Variants in SLIT2 observed in about 807,000 individuals in gnomAD.
SLIT2 encodes slit guidance ligand 2, also known as slit homolog 2 protein.
In SLIT2, 41 loss-of-function variants were observed where a neutral mutation model predicts 185.7. The ratio of observed to expected loss-of-function variants is 0.22; its 90% CI spans 0.17 to 0.29. SLIT2 has a LOEUF of 0.29. Ranked by LOEUF, SLIT2 falls within the 10% of genes least tolerant of loss-of-function variation. SLIT2 has a pLI of 1.00. For synonymous variants in SLIT2, 693 were observed against 680.2 expected (o/e 1.02, Z -0.29); for missense variants, 1,571 against 1,909.0 (o/e 0.82, Z 3.30).
chr4:20,358,750 T>G (rs1722526219), intron 4 of SLIT2, among the ~76,000 whole-genome samples: 1 of 152,128 alleles, frequency 6.6e-6, no homozygotes, highest in Admixed American at 6.6e-5. Flanking sequence ...ATTGGACATT[T>G]AACTTTCTAA....
chr4:20,420,310 C>G (rs1258747307), intron 4 of SLIT2, among the ~76,000 whole-genome samples: 2 of 152,076 alleles, frequency 1.3e-5, no homozygotes, highest in African/African-American at 4.8e-5. Context: ...TTCCAAGAAG[C>G]CTTTGAGAAT....
At chr4:20,324,414 T>C (rs1186115055) in intron 4 of SLIT2, among the ~76,000 whole-genome samples, 1 of 152,124 alleles carries the variant, frequency 6.6e-6, no homozygotes, top group African/African-American at 2.4e-5. Flanking sequence ...CCATTGGTGT[T>C]AAAGCAGAGG....
intron 4 of SLIT2, among the ~76,000 whole-genome samples, chr4:20,387,691 C>A (rs1002456912): frequency 6.6e-6 from 1 of 152,152 alleles, no homozygotes; most frequent in African/African-American, 2.4e-5. Flanking sequence ...CCACGGGCAA[C>A]AAAAAGAGAG....
At chr4:20,500,674 T>C (rs565389181) in intron 9 of SLIT2, among the ~76,000 whole-genome samples, 1 of 152,312 alleles carries the variant, frequency 6.6e-6, no homozygotes, top group Non-Finnish European at 1.5e-5. Flanking sequence ...GGAAACACTA[T>C]GTAGGAAACT....
chr4:20,508,888 A>G (rs958704568), intron 9 of SLIT2, among the ~76,000 whole-genome samples: 1 of 152,122 alleles, frequency 6.6e-6, no homozygotes, highest in Non-Finnish European at 1.5e-5. Context: ...ATGAACCCTG[A>G]TACTGTTGAA....
chr4:20,527,226 C>T (rs904570433), intron 15 of SLIT2, among the ~76,000 whole-genome samples: 1 of 152,122 alleles, frequency 6.6e-6, no homozygotes, highest in Non-Finnish European at 1.5e-5. Flanking sequence ...TACCTCGCTA[C>T]TACCATTTTA....
chr4:20,564,641 T>A (rs1205736972), intron 26 of SLIT2, among the ~76,000 whole-genome samples: 1 of 151,816 alleles, frequency 6.6e-6, no homozygotes, highest in African/African-American at 2.4e-5. Flanking sequence ...TTTGGTAAAG[T>A]TGGTAGTCAT....
At chr4:20,530,214 G>T (rs1020332025) in intron 16 of SLIT2, among the ~76,000 whole-genome samples, 4 of 151,872 alleles carry the variant, frequency 2.6e-5, no homozygotes, top group Non-Finnish European at 5.9e-5. Context: ...TAGACATATA[G>T]GGATTTATGC....
intron 4 of SLIT2, among the ~76,000 whole-genome samples, chr4:20,418,406 T>A (rs987466628): frequency 6.6e-6 from 1 of 152,198 alleles, no homozygotes; most frequent in African/African-American, 2.4e-5. Flanking sequence ...AGGTCCTAGT[T>A]TTCTCCATTA....
intron 28 of SLIT2, among the ~76,000 whole-genome samples, chr4:20,568,335 G>C (rs1216019449): frequency 6.6e-6 from 1 of 152,038 alleles, no homozygotes; most frequent in East Asian, 1.9e-4. Flanking sequence ...TTTTATGCCA[G>C]AGGAAGGATT....
Position 20,515,688 on chromosome 4 carries a change from T to A in SLIT2, c.1059-3694T>A, listed in dbSNP as rs537505861. Among the ~76,000 whole-genome samples the A allele has an allele frequency of 2.2e-3, 330 of 152,234 alleles. 1 individual carries two copies. Among genetic ancestry groups the A allele is most frequent in the African/African-American group, 7.6e-3 (316 of 41,490 alleles). The stretch of plus-strand genomic sequence containing the variant: ...TTTCAAATGTATACATTTAAAAAAA[T>A]TTATAAGTATAATTTCCTTGACATT... On this transcript the variant is annotated intron_variant, in intron 11 of 36. Coordinates refer to ENST00000504154, the MANE Select transcript of SLIT2 (RefSeq NM_004787.4).
intron 19 of SLIT2, 140 bp from the exon 20 acceptor site, chr4:20,541,313 G>C (rs753879815): frequency 7.4e-6 from 5 of 672,294 alleles, no homozygotes; most frequent in Non-Finnish European, 1.3e-5. Flanking sequence ...ATGTGATTCT[G>C]AGTAAGAATG....
chr4:20,609,982 G>T (rs1416352875), intron 33 of SLIT2, 31 bp from the exon 34 acceptor site: 3 of 1,573,168 alleles, frequency 1.9e-6, no homozygotes, highest in Admixed American at 1.9e-5. Context: ...AAAGAAAATG[G>T]AAGAATCAGC....
Position 20,510,486 on chromosome 4 carries a change from TC to T in SLIT2, c.915-8del. On this transcript the variant is annotated splice_polypyrimidine_tract_variant and splice_region_variant and intron_variant, in intron 9 of 36. Transcript: ENST00000504154. ...TTCCATTTAAAAGTTGAATTTTTTT[TC>T]ATTGCAGACGTTTGGAACAGAACAC... 6.3e-7 allele frequency: 1 copy of T among 1,598,406 alleles called. No homozygotes were observed. Among genetic ancestry groups the T allele is most frequent in the East Asian group, 2.2e-5 (1 of 44,672 alleles).
intron 29 of SLIT2, among the ~76,000 whole-genome samples, chr4:20,576,059 A>G (rs1338218978): frequency 9.2e-5 from 14 of 152,220 alleles, no homozygotes; most frequent in Non-Finnish European, 2.9e-5. Context: ...TGTATCGGAA[A>G]ACACTTTGAA....
chr4:20,436,490 A>T (rs1005051149), intron 4 of SLIT2, among the ~76,000 whole-genome samples: 12 of 152,348 alleles, frequency 7.9e-5, no homozygotes, highest in Admixed American at 7.8e-4. Flanking sequence ...ATCTGTAAGC[A>T]TCAAAACTTA....
At position 20,354,906 on chromosome 4, in the gene SLIT2, T is replaced by TGAGAGA. The variant is rs35761202; in HGVS notation, c.395+86060_395+86065dup. Among the ~76,000 whole-genome samples the TGAGAGA allele has an allele frequency of 2.5e-4, 19 of 77,092 alleles. No individual in the cohort carries two copies. In the South Asian group the frequency reaches 5.9e-3, roughly 24 times the overall value. 50.6% of individuals were successfully genotyped at this position (77,092 alleles called of 152,430 possible). The stretch of plus-strand genomic sequence containing the variant: ...GTCTGCGTGTGTGTGTGTGTGTGTG[T>TGAGAGA]GAGAGAGAGAGAGAGAGAGAGAGAG... On this transcript the variant is annotated intron_variant, in intron 4 of 36. Coordinates refer to ENST00000504154, the MANE Select transcript of SLIT2 (RefSeq NM_004787.4).
intron 26 of SLIT2, among the ~76,000 whole-genome samples, chr4:20,556,571 C>A (rs1274219853): frequency 6.6e-6 from 1 of 151,964 alleles, no homozygotes; most frequent in Non-Finnish European, 1.5e-5. Flanking sequence ...AAGATAAGTC[C>A]CCTGTCTCTC....
At chr4:20,579,993 A>G (rs1225085988) in intron 29 of SLIT2, among the ~76,000 whole-genome samples, 1 of 143,912 alleles carries the variant, frequency 6.9e-6, no homozygotes, top group East Asian at 2.0e-4. Flanking sequence ...TATATTTAAT[A>G]TGTAATATAT....
Sources: gnomAD v4.1 joint callset for allele counts (sites outside exome capture counted in the v4.1 genomes callset) on GRCh38, gnomAD v4.1.1 for gene constraint, MANE v1.5 for transcripts, NCBI Gene and HGNC (gene_info 2026-07-23, HGNC 2026-07-21) for gene names.